Variants in NR6A1 observed in about 807,000 individuals in gnomAD.
NR6A1 encodes retinoic acid receptor-related testis-associated receptor.
NR6A1 carries 7 observed loss-of-function variants against 59.1 expected under a neutral mutation model. The ratio of observed to expected loss-of-function variants is 0.12; its 90% CI spans 0.07 to 0.22. The LOEUF (loss-of-function observed/expected upper bound fraction) is 0.22. NR6A1 is among the 10% of genes least tolerant of loss of function. The pLI is 1.00. For synonymous variants in NR6A1, 243 were observed against 236.1 expected, an observed-to-expected ratio of 1.03 and a Z score of -0.27; for missense variants, 468 against 611.6, an observed-to-expected ratio of 0.77 and a Z score of 2.48.
At chr9:124,550,164 T>A (rs1386882705) in intron 3 of NR6A1, among the ~76,000 whole-genome samples, 2 of 152,198 alleles carry the variant, frequency 1.3e-5, no homozygotes, top group African/African-American at 2.4e-5. Flanking sequence ...ACAATGTTGG[T>A]GTGTTTTATT....
chr9:124,629,597 C>T (rs1221774032), intron 2 of NR6A1, among the ~76,000 whole-genome samples: 2 of 152,126 alleles, frequency 1.3e-5, no homozygotes, highest in Admixed American at 6.5e-5. Flanking sequence ...TTTCCTTTCT[C>T]GAGGCCATTT....
intron 1 of NR6A1, among the ~76,000 whole-genome samples, chr9:124,761,278 T>C (rs1340564686): frequency 2.0e-5 from 3 of 152,210 alleles, no homozygotes; most frequent in Non-Finnish European, 4.4e-5. Flanking sequence ...ACTCCAAGAA[T>C]ATCAAGATAA....
chr9:124,602,094 T>C (rs2130824531), intron 2 of NR6A1, among the ~76,000 whole-genome samples: 2 of 152,370 alleles, frequency 1.3e-5, no homozygotes, highest in Middle Eastern at 6.8e-3. Flanking sequence ...GTAAGTTTCC[T>C]ACCTGCGAAC....
intron 2 of NR6A1, among the ~76,000 whole-genome samples, chr9:124,615,597 A>C (rs1835866805): frequency 6.6e-6 from 1 of 151,966 alleles, no homozygotes; most frequent in Non-Finnish European, 1.5e-5. Flanking sequence ...CACCTAACAA[A>C]TCCTTGTGAA....
chr9:124,581,043 G>A lies in NR6A1; in HGVS notation c.143-26473C>T, dbSNP rs141595142. Reference sequence around the variant, plus strand: ...ACAAAAACAAGAAATGGTGCTGGAAGAACTGGCTAGCCATATGCAGAAAAT... The same window carrying A: ...ACAAAAACAAGAAATGGTGCTGGAAAAACTGGCTAGCCATATGCAGAAAAT... On this transcript the variant is annotated intron_variant, in intron 2 of 9. Transcript: ENST00000487099. Among the ~76,000 whole-genome samples, 105 of 152,104 alleles carry A rather than the reference G, an allele frequency of 6.9e-4. 1 individual carries two copies. The East Asian group carries it at 0.016, about 23-fold the overall frequency.
chr9:124,619,002 G>A (rs1035705037), intron 2 of NR6A1, among the ~76,000 whole-genome samples: 1 of 152,068 alleles, frequency 6.6e-6, no homozygotes, highest in Admixed American at 6.5e-5. Context: ...CACTTCCAGG[G>A]TTTTACGCTA....
chr9:124,525,325 C>G (rs1380619266), intron 8 of NR6A1, among the ~76,000 whole-genome samples: 1 of 48,682 alleles, frequency 2.1e-5, no homozygotes, highest in Non-Finnish European at 4.3e-5. Flanking sequence ...ACACACACAG[C>G]ACCCTCCTAT....
intron 2 of NR6A1, among the ~76,000 whole-genome samples, chr9:124,640,844 T>C (rs1374209689): frequency 6.6e-6 from 1 of 152,148 alleles, no homozygotes; most frequent in Non-Finnish European, 1.5e-5. Context: ...AAATGTAAGA[T>C]CACTTTACTT....
chr9:124,538,783 A>G (rs1833357455), intron 5 of NR6A1, among the ~76,000 whole-genome samples: 1 of 152,184 alleles, frequency 6.6e-6, no homozygotes, highest in South Asian at 2.1e-4. Flanking sequence ...TAAATAGTCC[A>G]AGGAAAGAAC....
rs567539810 is a variant in NR6A1, at chr9:124,524,880, A to G, written c.1202-7T>C. On this transcript the variant is annotated splice_region_variant and splice_polypyrimidine_tract_variant and intron_variant, in intron 8 of 9. Transcript: ENST00000487099. The stretch of plus-strand genomic sequence containing the variant: ...CTGGTCAGACCCCTGATATCTGTGG[A>G]AAAAAAAAAAACACACACACACATA... 866 of 889,572 alleles carry G rather than the reference A, an allele frequency of 9.7e-4. 1 individual carries two copies. The highest frequency in any genetic ancestry group is 1.2e-3 in the Non-Finnish European group (755 of 631,144). 55.1% of individuals were successfully genotyped at this position (889,572 alleles called of 1,614,324 possible).
rs1000859332 is a variant in NR6A1, at chr9:124,517,921, G to A, written c.*4784C>T. ...TATTCTTTTCCCACAGGATTCCTCA[G>A]AGAGGAATCGACCAGGATGTCGCTT... On this transcript the variant is annotated 3_prime_UTR_variant, in exon 10 of 10. Transcript: ENST00000487099. The A allele has an allele frequency of 1.3e-5, 2 of 151,998 alleles. No individual in the cohort carries two copies. Among genetic ancestry groups the A allele is most frequent in the Non-Finnish European group, 2.9e-5 (2 of 68,026 alleles). 9.4% of individuals were successfully genotyped at this position (151,998 alleles called of 1,614,324 possible).
At chr9:124,604,387 C>T (rs1835522946) in intron 2 of NR6A1, among the ~76,000 whole-genome samples, 1 of 152,218 alleles carries the variant, frequency 6.6e-6, no homozygotes, top group African/African-American at 2.4e-5. Context: ...TGGCTCCTTC[C>T]TCCTCTTTGA....
chr9:124,719,189 T>A (rs1839493365), intron 2 of NR6A1, among the ~76,000 whole-genome samples: 2 of 151,702 alleles, frequency 1.3e-5, no homozygotes, highest in African/African-American at 4.8e-5. Flanking sequence ...AGCCTCGACC[T>A]CCCAGGACCA....
At chr9:124,561,835 C>T (rs990382999) in intron 2 of NR6A1, among the ~76,000 whole-genome samples, 1 of 152,102 alleles carries the variant, frequency 6.6e-6, no homozygotes, top group Non-Finnish European at 1.5e-5. Context: ...TTGCTTGAAC[C>T]CAGGAGGTAG....
chr9:124,559,581 G>A (rs375937079), intron 2 of NR6A1, among the ~76,000 whole-genome samples: 9 of 152,046 alleles, frequency 5.9e-5, no homozygotes, highest in East Asian at 5.8e-4. Context: ...TTTGAGACCC[G>A]CCTGGCCAAC....
chr9:124,538,060 G>A, intron 6 of NR6A1, 32 bp downstream of exon 6: 3 of 1,564,788 alleles, frequency 1.9e-6, no homozygotes, highest in East Asian at 2.2e-5. Context: ...CTTTGAGACT[G>A]CAAGGGGCCA....
intron 2 of NR6A1, among the ~76,000 whole-genome samples, chr9:124,650,891 A>G (rs957439679): frequency 1.3e-5 from 2 of 152,086 alleles, no homozygotes; most frequent in African/African-American, 4.8e-5. Context: ...TTTAGAAAAA[A>G]GTCTGTCCTA....
At position 124,614,640 on chromosome 9, in the gene NR6A1, T is replaced by C. The variant is rs537591065; in HGVS notation, c.143-60070A>G. Among the ~76,000 whole-genome samples the C allele has an allele frequency of 2.3e-3, 348 of 152,314 alleles. 2 individuals are homozygous for C. The highest frequency in any genetic ancestry group is 4.0e-3 in the Non-Finnish European group (273 of 68,026). On this transcript the variant is annotated intron_variant, in intron 2 of 9. Coordinates refer to ENST00000487099, the MANE Select transcript of NR6A1 (RefSeq NM_033334.4). ...TAGATCCTAAAAATATACTCTGCCT[T>C]AGGCTCCTCTTGACATAGACAAAAG... is the stretch of plus-strand genomic sequence containing the variant.
At chr9:124,599,112 T>G (rs367578717) in intron 2 of NR6A1, 92 of 686,784 alleles carry the variant, frequency 1.3e-4, no homozygotes, top group East Asian at 1.1e-3. Context: ...AGGAGACGGT[T>G]CTCTGCGGCA....
Sources: allele counts gnomAD v4.1 joint callset (sites outside exome capture counted in the v4.1 genomes callset), GRCh38; gene constraint gnomAD v4.1.1; transcripts MANE v1.5; gene names NCBI Gene and HGNC (gene_info 2026-07-23, HGNC 2026-07-21).